SPRYD7: variants seen among roughly 807,000 people sequenced by gnomAD.
SPRYD7 encodes SPRY domain containing 7.
Under a neutral mutation model 23.8 loss-of-function variants are expected in SPRYD7, and 14 were observed. The observed-to-expected ratio is 0.59, with a 90% CI of 0.39 to 0.92. The LOEUF (loss-of-function observed/expected upper bound fraction) is 0.92. Among genes scored for constraint, SPRYD7 ranks in the 40% least tolerant of loss-of-function variants. SPRYD7 has a pLI of 0.00. For synonymous variants in SPRYD7, 75 were observed against 84.9 expected (o/e 0.88, Z 0.64); for missense variants, 194 against 241.7 (o/e 0.80, Z 1.31).
At chr13:49,918,403 C>CTTTTTTTTTTT (rs11436488) in intron 4 of SPRYD7, among the ~76,000 whole-genome samples, 2 of 143,052 alleles carry the variant, frequency 1.4e-5, no homozygotes, top group African/African-American at 2.6e-5. Flanking sequence ...TAAATTAGTT[C>CTTTTTTTTTTT]TTTTTTTTTT....
Position 49,915,104 on chromosome 13 carries a change from G to A in SPRYD7, c.550C>T (p.Pro184Ser). ...TCAAATAATATTTTTTCAAAACCAG[G>A]TGGAGGCGTATGATAAAACTCACTG... is the stretch of plus-strand genomic sequence containing the variant. ...QFSEFYHTPP[P>S]GFEKILFEQQ... Residue 184 changes from proline (P) to serine (S), a missense_variant, in exon 5 of 5, where the codon CCT becomes TCT. Coordinates refer to ENST00000361840, the MANE Select transcript of SPRYD7 (RefSeq NM_020456.4). 5.1e-6 allele frequency: 8 copies of A among 1,562,894 alleles called. No homozygotes were observed. The highest frequency in any genetic ancestry group is 2.4e-5 in the South Asian group (2 of 82,478).
At chr13:49,916,213 A>G (rs1053976135) in intron 4 of SPRYD7, among the ~76,000 whole-genome samples, 3 of 152,200 alleles carry the variant, frequency 2.0e-5, no homozygotes, top group African/African-American at 7.2e-5. Context: ...TGAGGAATGC[A>G]GCTGTGGTGC....
Position 49,914,889 on chromosome 13 carries a change from T to TA in SPRYD7, c.*173dup, listed in dbSNP as rs1594506569. ...ATGCTTATTTTCATTTCACAAAACATAAAGTATTTTAAATCACAACTTCAG... is the reference window on the plus strand; with the variant it reads ...ATGCTTATTTTCATTTCACAAAACATAAAAGTATTTTAAATCACAACTTCAG... On this transcript the variant is annotated 3_prime_UTR_variant, in exon 5 of 5. Transcript: ENST00000361840. 1 of 356,312 alleles carries TA rather than the reference T, an allele frequency of 2.8e-6. No individual in the cohort carries two copies. The highest frequency in any genetic ancestry group is 5.2e-6 in the Non-Finnish European group (1 of 190,742). 22.1% of individuals were successfully genotyped at this position (356,312 alleles called of 1,614,324 possible). A position where few individuals can be genotyped will look rare whatever the true frequency, so the allele number is the denominator to read the frequency against.
chr13:49,932,498 A>C (rs1036806737), intron 1 of SPRYD7, among the ~76,000 whole-genome samples: 1 of 152,250 alleles, frequency 6.6e-6, no homozygotes, highest in Admixed American at 6.5e-5. Context: ...CTATCAGAGA[A>C]TATACATAAT....
chr13:49,921,578 AC>A lies in SPRYD7; in HGVS notation c.392del (p.Gly131ValfsTer9), dbSNP rs1368157724. 4 of 1,589,466 alleles carry A rather than the reference AC, an allele frequency of 2.5e-6. No individual in the cohort carries two copies. Among genetic ancestry groups the A allele is most frequent in the Non-Finnish European group, 8.6e-7 (1 of 1,158,312 alleles). On this transcript the variant is annotated frameshift_variant and splice_region_variant, in exon 4 of 5. Coordinates refer to ENST00000361840, the MANE Select transcript of SPRYD7 (RefSeq NM_020456.4). LOFTEE classifies it high-confidence loss of function. ...NSLPQEGDVVGITYDHVELNV... is the reference protein window; with the variant it reads ...NSLPQEGDVVXITYDHVELNV... ...TTAATTCGACATGGTCATAAGTAAT[AC>A]CCTAGGAAGGAAAAAACAGAAACGT...
chr13:49,926,632 GAAGA>G (rs1414403570), intron 3 of SPRYD7, among the ~76,000 whole-genome samples: 2 of 152,010 alleles, frequency 1.3e-5, no homozygotes, highest in African/African-American at 2.4e-5. Context: ...GCAAAAAAGA[GAAGA>G]AAGATCAGGC....
chr13:49,919,807 T>C (rs1295380906), intron 4 of SPRYD7, among the ~76,000 whole-genome samples: 14 of 135,654 alleles, frequency 1.0e-4, no homozygotes, highest in African/African-American at 3.5e-4. Flanking sequence ...TATGTTTTTC[T>C]AAAAAAAAAA....
chr13:49,928,012 A>G lies in SPRYD7; in HGVS notation c.297T>C (p.Ser99=), dbSNP rs1566406161. ...GGGCTCCATCATTTCTCATCACCAG[A>G]CTGTGCATATCTCGGCCAAGAGGAA... ...NQIPLGRDMH[S]LVMRNDGALY... The change falls in exon 3 of 5, where the codon AGT becomes AGC. Residue 99 remains serine, a synonymous_variant. Coordinates refer to ENST00000361840, the MANE Select transcript of SPRYD7 (RefSeq NM_020456.4). 2 of 1,614,150 alleles carry G rather than the reference A, an allele frequency of 1.2e-6. No individual in the cohort carries two copies. The highest frequency in any genetic ancestry group is 1.7e-5 in the Admixed American group (1 of 60,012).
chr13:49,924,757 T>C (rs1443913856), intron 3 of SPRYD7, among the ~76,000 whole-genome samples: 1 of 149,784 alleles, frequency 6.7e-6, no homozygotes, highest in Admixed American at 6.6e-5. Flanking sequence ...GTAGATCACT[T>C]GAGGTCAGGA....
intron 3 of SPRYD7, among the ~76,000 whole-genome samples, chr13:49,923,577 T>C (rs1955844049): frequency 6.6e-6 from 1 of 152,100 alleles, no homozygotes; most frequent in South Asian, 2.1e-4. Context: ...AAGCCTGCAG[T>C]AGCAAAATCC....
rs753569343 is a variant in SPRYD7, at chr13:49,929,293, G to A, written c.224-1208C>T. ...CCACTGCACTCCAGCCTGGGTGACA[G>A]AGCAAGACCCCATCTATAAATAAAT... is the stretch of plus-strand genomic sequence containing the variant. On this transcript the variant is annotated intron_variant, in intron 2 of 4. Coordinates refer to ENST00000361840, the MANE Select transcript of SPRYD7 (RefSeq NM_020456.4). Among the ~76,000 whole-genome samples, 17 of 152,146 alleles carry A rather than the reference G, an allele frequency of 1.1e-4. 1 individual carries two copies. Among genetic ancestry groups the A allele is most frequent in the Non-Finnish European group, 2.4e-4 (16 of 68,034 alleles).
intron 1 of SPRYD7, among the ~76,000 whole-genome samples, chr13:49,933,856 C>T (rs1402496279): frequency 2.2e-4 from 33 of 151,958 alleles, no homozygotes; most frequent in Non-Finnish European, 2.5e-4. Flanking sequence ...AAAGTAGCTG[C>T]CTTGGAAGTC....
intron 3 of SPRYD7, among the ~76,000 whole-genome samples, chr13:49,923,166 A>T (rs1476670448): frequency 6.6e-6 from 1 of 152,232 alleles, no homozygotes; most frequent in Admixed American, 6.5e-5. Context: ...GACTACCAGA[A>T]ATCTAGCAGT....
rs1234404903 is a variant in SPRYD7 at position 49,931,016 on chromosome 13, A to G, written c.223+2T>C. ...TTAATAGTAAAGTACCATTATACCA[A>G]CCTGTGGACTGGATTTTGAATTCAA... On this transcript the variant is annotated splice_donor_variant, in intron 2 of 4. Transcript: ENST00000361840. LOFTEE classifies it high-confidence loss of function. 1 of 1,594,092 alleles carries G rather than the reference A, an allele frequency of 6.3e-7. No homozygotes were observed. Among genetic ancestry groups the G allele is most frequent in the East Asian group, 2.2e-5 (1 of 44,688 alleles).
intron 4 of SPRYD7, among the ~76,000 whole-genome samples, chr13:49,919,403 G>A (rs1206344301): frequency 6.6e-6 from 1 of 152,170 alleles, no homozygotes; most frequent in Non-Finnish European, 1.5e-5. Flanking sequence ...AATTAGCTGG[G>A]TGTGGTGGTG....
chr13:49,919,310 C>T (rs1189278727), intron 4 of SPRYD7, among the ~76,000 whole-genome samples: 3 of 151,792 alleles, frequency 2.0e-5, no homozygotes, highest in Non-Finnish European at 4.4e-5. Context: ...CTTTGGAAGG[C>T]CGAGGCGGGC....
intron 3 of SPRYD7, among the ~76,000 whole-genome samples, chr13:49,926,760 C>G (rs985379708): frequency 2.6e-5 from 4 of 152,136 alleles, no homozygotes; most frequent in Non-Finnish European, 5.9e-5. Context: ...TAGAATCCTT[C>G]TCTCATTATT....
intron 3 of SPRYD7, among the ~76,000 whole-genome samples, chr13:49,923,753 C>T (rs1042394817): frequency 3.3e-5 from 5 of 152,116 alleles, no homozygotes; most frequent in Non-Finnish European, 7.3e-5. Flanking sequence ...CTCAGCCTCC[C>T]GAAGTGCAGG....
chr13:49,930,979 C>G (rs1314021587), intron 2 of SPRYD7, 39 bp downstream of exon 2: 1 of 1,248,080 alleles, frequency 8.0e-7, no homozygotes, highest in Non-Finnish European at 1.1e-6. Flanking sequence ...ATATTTAGAA[C>G]AATTAGGACT....
Sources: allele counts gnomAD v4.1 joint callset (sites outside exome capture counted in the v4.1 genomes callset), GRCh38; gene constraint gnomAD v4.1.1; transcripts MANE v1.5; gene names NCBI Gene and HGNC (gene_info 2026-07-23, HGNC 2026-07-21).